The following HNF4G variants were observed in gnomAD, a reference collection of about 807,000 sequenced individuals.
The protein encoded by HNF4G is hepatocyte nuclear factor 4 gamma, also known as hepatocyte nuclear factor 4-gamma.
HNF4G carries 21 observed loss-of-function variants against 50.9 expected under a neutral mutation model. The observed-to-expected ratio is 0.41, with a 90% CI of 0.29 to 0.59. The LOEUF (loss-of-function observed/expected upper bound fraction) is 0.59, where lower values mean the gene tolerates loss of function less well. Ranked by LOEUF, HNF4G falls within the 20% of genes least tolerant of loss-of-function variation. The pLI is 0.26. For synonymous variants in HNF4G, 198 were observed against 185.6 expected (o/e 1.07, Z -0.54); for missense variants, 527 against 559.4 (o/e 0.94, Z 0.58).
chr8:75,501,938 C>T (rs1314917171), intron 2 of HNF4G, among the ~76,000 whole-genome samples: 7 of 151,672 alleles, frequency 4.6e-5, no homozygotes, highest in South Asian at 4.2e-4. Context: ...CTGCAACCTC[C>T]GCCTCCCGGG....
rs375603676 is a variant in HNF4G at position 75,480,905 on chromosome 8, C to T, written c.-143-9184C>T. On this transcript the variant is annotated intron_variant, in intron 1 of 10. Coordinates refer to the HNF4G transcript ENST00000354370. The stretch of plus-strand genomic sequence containing the variant: ...TTTGTATTTTTTATTTTAGCGGAGA[C>T]GGAGTTTCGCCATGTTGGGCAGGCT... Among the ~76,000 whole-genome samples the T allele has an allele frequency of 1.6e-4, 25 of 151,964 alleles. 1 individual carries two copies. The highest frequency in any genetic ancestry group is 5.3e-4 in the African/African-American group (22 of 41,470).
At chr8:75,437,507 AACT>A (rs1811165844) in intron 1 of HNF4G, among the ~76,000 whole-genome samples, 1 of 152,170 alleles carries the variant, frequency 6.6e-6, no homozygotes, top group Non-Finnish European at 1.5e-5. Flanking sequence ...AGGGGCCTTA[AACT>A]ATCTAGGACA....
At chr8:75,494,542 C>T (rs866985292) in intron 2 of HNF4G, among the ~76,000 whole-genome samples, 11 of 151,894 alleles carry the variant, frequency 7.2e-5, no homozygotes, top group Admixed American at 1.3e-4. Context: ...TTTTATTGAA[C>T]GTAATAAATA....
chr8:75,510,174 T>C (rs924557196), intron 2 of HNF4G, among the ~76,000 whole-genome samples: 2 of 151,936 alleles, frequency 1.3e-5, no homozygotes, highest in Non-Finnish European at 2.9e-5. Context: ...TTAACAAAAG[T>C]TTAAAAAGTA....
Position 75,539,947 on chromosome 8 carries a change from G to A in HNF4G, c.-16G>A. The A allele has an allele frequency of 8.7e-7, 1 of 1,146,164 alleles. No individual in the cohort carries two copies. Among genetic ancestry groups the A allele is most frequent in the East Asian group, 2.3e-5 (1 of 42,612 alleles). 71.0% of individuals were successfully genotyped at this position (1,146,164 alleles called of 1,614,324 possible). On this transcript the variant is annotated 5_prime_UTR_variant, in exon 1 of 10. The change creates a new upstream start codon in the 5' untranslated region. Coordinates refer to ENST00000396423, the MANE Select transcript of HNF4G (RefSeq NM_004133.5). ...TCTGGGCTTGTGGTGCCACTTGTATGTGTGTTTCTAAATCAATGATGAGGG... is the reference window on the plus strand; with the variant it reads ...TCTGGGCTTGTGGTGCCACTTGTATATGTGTTTCTAAATCAATGATGAGGG...
chr8:75,420,907 A>C (rs1810760696), intron 1 of HNF4G, among the ~76,000 whole-genome samples: 2 of 152,206 alleles, frequency 1.3e-5, no homozygotes, highest in Non-Finnish European at 2.9e-5. Flanking sequence ...TGACGTAATT[A>C]TTTTTGTTTA....
intron 1 of HNF4G, among the ~76,000 whole-genome samples, chr8:75,462,037 C>T (rs560761214): frequency 6.6e-6 from 1 of 151,522 alleles, no homozygotes; most frequent in South Asian, 2.1e-4. Flanking sequence ...CCTGCCTCAG[C>T]CTCCCAAGTA....
intron 1 of HNF4G, among the ~76,000 whole-genome samples, chr8:75,541,933 G>C (rs1374678409): frequency 6.6e-6 from 1 of 152,108 alleles, no homozygotes; most frequent in African/African-American, 2.4e-5. Context: ...TGTGTGTAAA[G>C]ATGGGTAATA....
intron 9 of HNF4G, among the ~76,000 whole-genome samples, chr8:75,562,495 T>C (rs1238047658): frequency 6.6e-6 from 1 of 152,142 alleles, no homozygotes; most frequent in Non-Finnish European, 1.5e-5. Context: ...GCAAGCCTAA[T>C]ACCAAACTAG....
At chr8:75,516,204 C>A (rs1311485020) in intron 2 of HNF4G, among the ~76,000 whole-genome samples, 1 of 152,232 alleles carries the variant, frequency 6.6e-6, no homozygotes, top group Non-Finnish European at 1.5e-5. Flanking sequence ...TTAATCTTTA[C>A]ACATTTAATA....
At chr8:75,551,573 G>GT (rs1190772943) in intron 4 of HNF4G, 79 bp downstream of exon 4, 11 of 842,274 alleles carry the variant, frequency 1.3e-5, no homozygotes, top group East Asian at 1.0e-4. Flanking sequence ...AATAATCTAA[G>GT]TTTTTTCAAA....
intron 2 of HNF4G, among the ~76,000 whole-genome samples, chr8:75,544,559 A>G (rs1806717847): frequency 6.6e-6 from 1 of 151,916 alleles, no homozygotes; most frequent in Non-Finnish European, 1.5e-5. Flanking sequence ...TTCTCATGCC[A>G]TATTTTTTGT....
At chr8:75,482,603 G>T (rs533533905) in intron 1 of HNF4G, among the ~76,000 whole-genome samples, 1 of 152,104 alleles carries the variant, frequency 6.6e-6, no homozygotes, top group Non-Finnish European at 1.5e-5. Flanking sequence ...CCTGACCTCA[G>T]GTGACCTGCC....
chr8:75,531,865 A>G (rs1186981723), intron 2 of HNF4G, among the ~76,000 whole-genome samples: 1 of 152,060 alleles, frequency 6.6e-6, no homozygotes, highest in East Asian at 1.9e-4. Context: ...ACTGCCCCAT[A>G]TGGATACTAA....
chr8:75,535,300 T>C (rs1218869859), upstream of HNF4G, among the ~76,000 whole-genome samples: 1 of 151,838 alleles, frequency 6.6e-6, no homozygotes, highest in Non-Finnish European at 1.5e-5. Context: ...AAGATTTCTA[T>C]TTCAAAAGAG....
At chr8:75,455,613 T>C (rs1811701732) in intron 1 of HNF4G, among the ~76,000 whole-genome samples, 1 of 152,208 alleles carries the variant, frequency 6.6e-6, no homozygotes, top group Non-Finnish European at 1.5e-5. Context: ...AATGTTCTTC[T>C]GCTAATATTT....
chr8:75,535,598 T>G (rs909689868), upstream of HNF4G, among the ~76,000 whole-genome samples: 1 of 151,870 alleles, frequency 6.6e-6, no homozygotes, highest in African/African-American at 2.4e-5. Context: ...GAGATTGATA[T>G]GTAGTGCTTT....
chr8:75,461,365 T>G (rs1192391357), intron 1 of HNF4G, among the ~76,000 whole-genome samples: 3 of 152,108 alleles, frequency 2.0e-5, no homozygotes, highest in Non-Finnish European at 4.4e-5. Context: ...AGCCCACAAT[T>G]TCATTACCCA....
At chr8:75,517,872 T>G (rs1805934979) in intron 2 of HNF4G, among the ~76,000 whole-genome samples, 1 of 152,056 alleles carries the variant, frequency 6.6e-6, no homozygotes, top group Non-Finnish European at 1.5e-5. Flanking sequence ...CCACACTACC[T>G]TAGCAGAAGT....
Sources: gnomAD v4.1 joint callset for allele counts (sites outside exome capture counted in the v4.1 genomes callset) on GRCh38, gnomAD v4.1.1 for gene constraint, MANE v1.5 for transcripts, NCBI Gene and HGNC (gene_info 2026-07-23, HGNC 2026-07-21) for gene names.